The following CD163L1 variants were observed in gnomAD, a reference collection of about 807,000 sequenced individuals.
The protein encoded by CD163L1 is scavenger receptor cysteine-rich type 1 protein M160.
A neutral mutation model predicts 165.4 loss-of-function variants in CD163L1; 124 were observed. The observed-to-expected ratio is 0.75, with a 90% CI of 0.65 to 0.87. The LOEUF (loss-of-function observed/expected upper bound fraction) is 0.87. CD163L1 is among the 40% of genes least tolerant of loss of function. The pLI is 0.00. For missense variants in CD163L1, 1,525 were observed against 1,799.9 expected (o/e 0.85, Z 2.76); for synonymous variants, 585 against 662.2 (o/e 0.88, Z 1.79).
Position 7,369,115 on chromosome 12 carries a change from T to C in CD163L1, c.4040-150A>G. Reference sequence around the variant, plus strand: ...ATGTCATTTAAAATATCAGTCAGAATCCTCTTGCTTCAAAGTCTAAGGCCA... The same window carrying C: ...ATGTCATTTAAAATATCAGTCAGAACCCTCTTGCTTCAAAGTCTAAGGCCA... On this transcript the variant is annotated intron_variant, in intron 15 of 19. Transcript: ENST00000313599. The surrounding 1 kb of genome is among the most constrained non-coding windows in gnomAD (Gnocchi z 4.9). 1 of 1,058,010 alleles carries C rather than the reference T, an allele frequency of 9.5e-7. No homozygotes were observed. Among genetic ancestry groups the C allele is most frequent in the South Asian group, 1.5e-5 (1 of 67,616 alleles). The allele number at this position is 1,058,010 out of a possible 1,614,324, so 65.5% of individuals were successfully genotyped here.
the CD163L1 span, among the ~76,000 whole-genome samples, chr12:7,332,749 C>T: frequency 6.6e-6 from 1 of 152,094 alleles, no homozygotes; most frequent in African/African-American, 2.4e-5. Flanking sequence ...ATTTTGTCAC[C>T]ACCAGACCTG....
At chr12:7,407,416 A>G (rs979138343) in intron 4 of CD163L1, among the ~76,000 whole-genome samples, 1 of 152,118 alleles carries the variant, frequency 6.6e-6, no homozygotes, top group Non-Finnish European at 1.5e-5. Flanking sequence ...ATGAAAAAAT[A>G]AAACTTCTAA....
In CD163L1 at chr12:7,368,136, T is replaced by G; in HGVS notation, c.4134A>C (p.Leu1378=). The change falls in exon 17 of 20, where the codon CTA becomes CTC. Residue 1378 remains leucine, a synonymous_variant. Coordinates refer to ENST00000313599, the MANE Select transcript of CD163L1 (RefSeq NM_174941.6). This position sits in a 1 kb window ranked among gnomAD's most constrained non-coding sequence, Gnocchi z 4.3. ...TCTGAACTCGGCACCACGTGAGAAA[T>G]AGAATAAACAGAACCAGGAGAAGGA... ...FGLLLLVLFI[L]FLTWCRVQKQ... is the part of the protein sequence containing the mutation. 6.2e-7 allele frequency: 1 copy of G among 1,612,790 alleles called. No homozygotes were observed. The highest frequency in any genetic ancestry group is 1.7e-5 in the Admixed American group (1 of 59,996).
rs182875065 is a variant in CD163L1, at chr12:7,400,700, T to A, written c.1409-2116A>T. Among the ~76,000 whole-genome samples the A allele has an allele frequency of 2.0e-5, 3 of 152,186 alleles. 1 individual carries two copies. Among genetic ancestry groups the A allele is most frequent in the Admixed American group, 1.3e-4 (2 of 15,276 alleles). ...GCCCAACCAATTCATAGGTTTAATATTACCTTAAAAACAATTCCAATGTCA... is the reference window on the plus strand; with the variant it reads ...GCCCAACCAATTCATAGGTTTAATAATACCTTAAAAACAATTCCAATGTCA... On this transcript the variant is annotated intron_variant, in intron 6 of 19. Transcript: ENST00000313599. The surrounding 1 kb of genome is among the most constrained non-coding windows in gnomAD (Gnocchi z 4.1).
chr12:7,430,867 G>A (rs952219193), intron 4 of CD163L1, among the ~76,000 whole-genome samples: 1 of 151,828 alleles, frequency 6.6e-6, no homozygotes, highest in Non-Finnish European at 1.5e-5. Context: ...ATGAAAGAAC[G>A]CAGCAGAGAT....
intron 4 of CD163L1, among the ~76,000 whole-genome samples, chr12:7,411,129 A>C (rs993793012): frequency 1.3e-5 from 2 of 152,070 alleles, no homozygotes; most frequent in African/African-American, 4.8e-5. Context: ...AAAGTCATAA[A>C]ACATGGAACA....
At chr12:7,331,598 G>A in the CD163L1 span, among the ~76,000 whole-genome samples, 5 of 152,284 alleles carry the variant, frequency 3.3e-5, no homozygotes, top group East Asian at 5.8e-4. Flanking sequence ...CCAGAGGAAC[G>A]ATCAGGCAGC....
chr12:7,363,573 T>C (rs925039762), intron 18 of CD163L1, among the ~76,000 whole-genome samples: 5 of 151,382 alleles, frequency 3.3e-5, no homozygotes, highest in African/African-American at 1.2e-4. Flanking sequence ...ATAAATAAAA[T>C]CAGAAATGAA....
intron 18 of CD163L1, among the ~76,000 whole-genome samples, chr12:7,362,607 T>C (rs1946926902): frequency 6.9e-6 from 1 of 144,726 alleles, no homozygotes; most frequent in Admixed American, 7.0e-5. Flanking sequence ...AATTTATAGC[T>C]TATTATAATA....
At chr12:7,392,832 A>G (rs1591917686) in intron 8 of CD163L1, among the ~76,000 whole-genome samples, 1 of 152,324 alleles carries the variant, frequency 6.6e-6, no homozygotes, top group East Asian at 1.9e-4. Flanking sequence ...AGAAGTGGAT[A>G]AATTCCTGGA....
the CD163L1 span, chr12:7,326,863 C>A: frequency 7.5e-6 from 9 of 1,204,804 alleles, no homozygotes; most frequent in South Asian, 3.5e-5. Flanking sequence ...CATTTGCAGT[C>A]ATCACACAAA....
the CD163L1 span, among the ~76,000 whole-genome samples, chr12:7,339,918 G>C: frequency 2.0e-5 from 3 of 152,238 alleles, no homozygotes; most frequent in East Asian, 5.8e-4. Flanking sequence ...GGACTTTGTA[G>C]GTATGAGATC....
At chr12:7,436,021 TATCA>T (rs1422245285) in intron 2 of CD163L1, among the ~76,000 whole-genome samples, 1 of 152,148 alleles carries the variant, frequency 6.6e-6, no homozygotes, top group African/African-American at 2.4e-5. Flanking sequence ...CATCTATATC[TATCA>T]TATTATTAGA....
At position 7,398,643 on chromosome 12, in the gene CD163L1, T is replaced by C; in HGVS notation, c.1409-59A>G. ...AAATGAGAGAGTCTTTTCAGAAGAC[T>C]GAAAAGACTCTCTAAATTCACGACT... is the stretch of plus-strand genomic sequence containing the variant. On this transcript the variant is annotated intron_variant, in intron 6 of 19. Transcript: ENST00000313599. The surrounding 1 kb of genome is among the most constrained non-coding windows in gnomAD (Gnocchi z 4.5). 7.1e-7 allele frequency: 1 copy of C among 1,408,674 alleles called. No homozygotes were observed. Among genetic ancestry groups the C allele is most frequent in the Non-Finnish European group, 9.6e-7 (1 of 1,043,522 alleles). 87.3% of individuals were successfully genotyped at this position (1,408,674 alleles called of 1,614,324 possible). A position where few individuals can be genotyped will look rare whatever the true frequency, so the allele number is the denominator to read the frequency against.
intron 18 of CD163L1, 152 bp from the exon 19 acceptor site, chr12:7,357,638 T>C (rs1445815123): frequency 6.1e-6 from 3 of 493,474 alleles, no homozygotes; most frequent in Non-Finnish European, 1.1e-5. Context: ...GTTATCGTTT[T>C]GAAGTAAAAT....
intron 4 of CD163L1, among the ~76,000 whole-genome samples, chr12:7,421,041 ATATATATG>A (rs1342141333): frequency 9.2e-6 from 1 of 108,620 alleles, no homozygotes; most frequent in Non-Finnish European, 1.7e-5. Flanking sequence ...ATATACGTGT[ATATATATG>A]TATATACGTA....
At chr12:7,333,513 C>T in the CD163L1 span, among the ~76,000 whole-genome samples, 2 of 152,142 alleles carry the variant, frequency 1.3e-5, no homozygotes, top group Non-Finnish European at 1.5e-5. Flanking sequence ...AAATTTATAG[C>T]ACTAAATGCC....
chr12:7,436,385 C>T lies in CD163L1; in HGVS notation c.125-2691G>A, dbSNP rs573662056. 2.1e-4 allele frequency among the ~76,000 whole-genome samples: 32 copies of T among 152,200 alleles called. 1 individual carries two copies. The South Asian group carries it at 6.6e-3, about 32-fold the overall frequency. On this transcript the variant is annotated intron_variant, in intron 2 of 19. Transcript: ENST00000313599. ...GTACACAAAGATATAGTAATATTAT[C>T]TATGATTAAACAGAAATAAGAAAAT...
chr12:7,431,565 G>A (rs1232552767), intron 4 of CD163L1, among the ~76,000 whole-genome samples: 36 of 150,916 alleles, frequency 2.4e-4, no homozygotes, highest in African/African-American at 2.4e-5. Flanking sequence ...CAACGAGAAC[G>A]CATAGACACA....
Sources: gnomAD v4.1 joint callset for allele counts (sites outside exome capture counted in the v4.1 genomes callset) on GRCh38, gnomAD v4.1.1 for gene constraint, Gnocchi (gnomAD v3.1) non-coding constraint, MANE v1.5 for transcripts, NCBI Gene and HGNC (gene_info 2026-07-23, HGNC 2026-07-21) for gene names.